The following DMD variants were observed in gnomAD, a reference collection of about 807,000 sequenced individuals.
The protein encoded by DMD is mutant dystrophin.
Under a neutral mutation model 330.1 loss-of-function variants are expected in DMD, and 63 were observed. The observed-to-expected ratio is 0.19, with a 90% CI of 0.16 to 0.24. DMD has a LOEUF of 0.24. DMD is among the 10% of genes least tolerant of loss of function. DMD has a pLI of 1.00. For synonymous variants in DMD, 1,223 were observed against 959.8 expected (o/e 1.27, Z -5.07); for missense variants, 3,344 against 2,684.1 (o/e 1.25, Z -5.43).
At chrX:31,813,722 C>T (rs2149396894) in intron 50 of DMD, among the ~76,000 whole-genome samples, 1 of 112,176 alleles carries the variant, frequency 8.9e-6, no homozygotes, top group Admixed American at 9.4e-5. Flanking sequence ...AGATAATCTC[C>T]TCCCCAGCTT....
chrX:31,271,182 G>A (rs1389462837), intron 62 of DMD, among the ~76,000 whole-genome samples: 3 of 111,674 alleles, frequency 2.7e-5, no homozygotes, highest in Admixed American at 1.9e-4. Flanking sequence ...AATTTCAGGA[G>A]GAGGGGGCAG....
At chrX:32,905,594 C>T (rs960776595) in intron 2 of DMD, among the ~76,000 whole-genome samples, 1 of 111,526 alleles carries the variant, frequency 9.0e-6, no homozygotes, top group Non-Finnish European at 1.9e-5. Flanking sequence ...TGAAAGTATA[C>T]ATTTAATTGT....
intron 1 of DMD, among the ~76,000 whole-genome samples, chrX:33,078,898 A>T (rs893537390): frequency 2.7e-5 from 3 of 112,282 alleles, no homozygotes; most frequent in African/African-American, 9.7e-5. Context: ...TTATACAAAT[A>T]CAGTCCAAAG....
chrX:32,545,273 A>C lies in DMD; in HGVS notation c.2054T>G (p.Val685Gly). Residue 685 changes from valine to glycine, a missense_variant, in exon 17 of 79, where the codon GTA becomes GGA. Transcript: ENST00000357033. The part of the protein sequence containing the change: ...SLTQTTVMET[V>G]TTVTTREQIL... ...CTGTTCCCTTGTGGTCACCGTAGTT[A>C]CTGTTTCCATTACAGTTGTCTGTGT... 2.5e-6 allele frequency: 3 copies of C among 1,210,644 alleles called. No individual in the cohort carries two copies. Among genetic ancestry groups the C allele is most frequent in the Non-Finnish European group, 3.4e-6 (3 of 894,709 alleles).
intron 23 of DMD, among the ~76,000 whole-genome samples, chrX:32,466,982 C>G (rs746211442): frequency 7.2e-5 from 8 of 111,762 alleles, no homozygotes; most frequent in African/African-American, 2.6e-4. Flanking sequence ...CTACCTTCCT[C>G]CTTCACTAGA....
intron 6 of DMD, among the ~76,000 whole-genome samples, chrX:32,815,588 A>G (rs2077699801): frequency 9.5e-6 from 1 of 105,724 alleles, no homozygotes; most frequent in South Asian, 4.2e-4. Flanking sequence ...GGCATATAGT[A>G]TATATTGTAT....
chrX:32,235,591 A>G (rs2097184757), intron 43 of DMD, among the ~76,000 whole-genome samples: 1 of 111,612 alleles, frequency 9.0e-6, no homozygotes, highest in Non-Finnish European at 1.9e-5. Context: ...TTAGATATTT[A>G]ATTTGAAGTC....
At chrX:31,310,706 C>T (rs1195685192) in intron 62 of DMD, among the ~76,000 whole-genome samples, 2 of 104,038 alleles carry the variant, frequency 1.9e-5, no homozygotes, top group African/African-American at 7.0e-5. Context: ...CACATGCCAC[C>T]ATGCCAAGGA....
In DMD at chrX:32,220,520, A is replaced by G. The variant is rs764512548; in HGVS notation, c.6291-3457T>C. Among the ~76,000 whole-genome samples the G allele has an allele frequency of 1.2e-4, 13 of 111,681 alleles. No homozygotes were observed. In the South Asian group the frequency reaches 3.0e-3, roughly 26 times the overall value. ...CATAAAATTTTAAAATACACTTTTC[A>G]GTATTTAATAGGTGCTGTTAATAGC... On this transcript the variant is annotated intron_variant, in intron 43 of 78. Transcript: ENST00000357033.
intron 55 of DMD, among the ~76,000 whole-genome samples, chrX:31,558,926 C>A (rs1011669233): frequency 2.1e-4 from 23 of 111,441 alleles, no homozygotes; most frequent in Non-Finnish European, 3.6e-4. Context: ...CACACTCAAG[C>A]CTGCCAAAGG....
intron 1 of DMD, among the ~76,000 whole-genome samples, chrX:33,288,473 C>T (rs2053466937): frequency 9.0e-6 from 1 of 111,406 alleles, no homozygotes; most frequent in African/African-American, 3.3e-5. Flanking sequence ...AGATCTTGCC[C>T]TCTCTATATT....
chrX:31,814,111 T>C (rs1253006437), intron 50 of DMD, among the ~76,000 whole-genome samples: 2 of 111,015 alleles, frequency 1.8e-5, no homozygotes, highest in East Asian at 5.6e-4. Flanking sequence ...AATACTGTGC[T>C]TTCCTAATTA....
chrX:32,722,265 A>T (rs1289122944), intron 7 of DMD, among the ~76,000 whole-genome samples: 2 of 111,078 alleles, frequency 1.8e-5, no homozygotes, highest in Non-Finnish European at 3.8e-5. Context: ...GACCAGAAAT[A>T]ATCAAAAATA....
At chrX:32,065,794 C>A (rs912354446) in intron 44 of DMD, among the ~76,000 whole-genome samples, 3 of 111,511 alleles carry the variant, frequency 2.7e-5, no homozygotes, top group Non-Finnish European at 5.7e-5. Flanking sequence ...TGTCTGTGGA[C>A]GTTAAATATT....
At chrX:33,039,984 G>T (rs1352631402) in intron 1 of DMD, among the ~76,000 whole-genome samples, 1 of 111,007 alleles carries the variant, frequency 9.0e-6, no homozygotes, top group Non-Finnish European at 1.9e-5. Context: ...TTTACCTTTG[G>T]CAGGGAACTG....
intron 16 of DMD, among the ~76,000 whole-genome samples, chrX:32,557,940 TTAA>T (rs1268501851): frequency 5.7e-4 from 63 of 109,963 alleles, no homozygotes; most frequent in African/African-American, 1.7e-3. Context: ...TTACAATAAT[TTAA>T]TAATAATTTA....
At position 31,121,683 on chromosome X, in the gene DMD, TAAC is replaced by T; in HGVS notation, c.*233_*235del. The T allele has an allele frequency of 2.1e-6, 1 of 467,745 alleles. No homozygotes were observed. Among genetic ancestry groups the T allele is most frequent in the Non-Finnish European group, 3.7e-6 (1 of 273,029 alleles). The allele number at this position is 467,745 out of a possible 1,213,427, so 38.5% of individuals were successfully genotyped here. A position where few individuals can be genotyped will look rare whatever the true frequency, so the allele number is the denominator to read the frequency against. ...AAACCTGCCATTGTTAACAAAACAATAACAGACTTAGAAACTACTGAAATCTAC... is the reference window on the plus strand; with the variant it reads ...AAACCTGCCATTGTTAACAAAACAATAGACTTAGAAACTACTGAAATCTAC... On this transcript the variant is annotated 3_prime_UTR_variant, in exon 79 of 79. Coordinates refer to ENST00000357033, the MANE Select transcript of DMD (RefSeq NM_004006.3).
intron 13 of DMD, among the ~76,000 whole-genome samples, chrX:32,579,938 G>A (rs1484875965): frequency 9.0e-6 from 1 of 111,719 alleles, no homozygotes; most frequent in Non-Finnish European, 1.9e-5. Context: ...TATACAAAGT[G>A]CTAATGAATA....
At chrX:32,388,235 T>C (rs766301831) in intron 32 of DMD, among the ~76,000 whole-genome samples, 1 of 110,054 alleles carries the variant, frequency 9.1e-6, no homozygotes, top group Admixed American at 9.8e-5. Flanking sequence ...TACTGTTGGA[T>C]ACATTTTATA....
Sources: allele counts gnomAD v4.1 joint callset (sites outside exome capture counted in the v4.1 genomes callset), GRCh38; gene constraint gnomAD v4.1.1; transcripts MANE v1.5; gene names NCBI Gene and HGNC (gene_info 2026-07-23, HGNC 2026-07-21).